Variants in DLG2 observed in about 807,000 individuals in gnomAD.
The protein encoded by DLG2 is discs large MAGUK scaffold protein 2.
In DLG2, 45 loss-of-function variants were observed where a neutral mutation model predicts 132.5. That is an observed-to-expected ratio of 0.34 (90% CI 0.27 to 0.44). DLG2 has a LOEUF of 0.44. Among genes scored for constraint, DLG2 ranks in the 20% least tolerant of loss-of-function variants. The probability of loss-of-function intolerance (pLI) is 1.00; values close to 1 mark genes in which losing one functional copy is unlikely to be tolerated. For missense variants in DLG2, 1,045 were observed against 1,196.9 expected (o/e 0.87, Z 1.87); for synonymous variants, 424 against 419.6 (o/e 1.01, Z -0.13).
Position 84,124,417 on chromosome 11 carries a change from G to T in DLG2, c.625-25370C>A, listed in dbSNP as rs139538974. Among the ~76,000 whole-genome samples, 233 of 152,248 alleles carry T rather than the reference G, an allele frequency of 1.5e-3. 1 individual carries two copies. The highest frequency in any genetic ancestry group is 2.8e-3 in the Non-Finnish European group (191 of 68,016). ...TGATTCTAAAGAACCTCATTCTCAC[G>T]CTTCTATCATATCAGTTGCTACATA... On this transcript the variant is annotated intron_variant, in intron 9 of 27. Transcript: ENST00000376104.
At chr11:83,572,415 G>A (rs2096812181) in intron 19 of DLG2, among the ~76,000 whole-genome samples, 1 of 152,092 alleles carries the variant, frequency 6.6e-6, no homozygotes, top group Admixed American at 6.6e-5. Flanking sequence ...AGGAAGGTTG[G>A]AAATTGACAG....
At chr11:84,579,377 T>A (rs1484878775) in intron 6 of DLG2, among the ~76,000 whole-genome samples, 1 of 152,182 alleles carries the variant, frequency 6.6e-6, no homozygotes, top group African/African-American at 2.4e-5. Context: ...TATGGTTTCC[T>A]GTGAGAAGCA....
chr11:83,723,746 C>G (rs1399947915), intron 18 of DLG2, among the ~76,000 whole-genome samples: 2 of 151,988 alleles, frequency 1.3e-5, no homozygotes, highest in Non-Finnish European at 2.9e-5. Context: ...GTCTCAGCTA[C>G]TCAGGAGGCT....
chr11:84,498,944 A>T (rs1022105382), intron 7 of DLG2, among the ~76,000 whole-genome samples: 6 of 152,168 alleles, frequency 3.9e-5, no homozygotes, highest in African/African-American at 1.4e-4. Context: ...TGTCCAATAC[A>T]CTGAAGGATG....
intron 6 of DLG2, among the ~76,000 whole-genome samples, chr11:85,103,718 A>G (rs1175456265): frequency 6.6e-6 from 1 of 151,956 alleles, no homozygotes; most frequent in East Asian, 1.9e-4. Flanking sequence ...AAAAAAGATA[A>G]ATTAGACTTT....
intron 3 of DLG2, among the ~76,000 whole-genome samples, chr11:85,436,464 A>G (rs1273377025): frequency 1.3e-5 from 2 of 152,182 alleles, no homozygotes; most frequent in Non-Finnish European, 2.9e-5. Context: ...AATTTACAAG[A>G]AAAAAACAAA....
intron 6 of DLG2, among the ~76,000 whole-genome samples, chr11:85,107,421 T>G (rs886586625): frequency 6.6e-6 from 1 of 152,060 alleles, no homozygotes; most frequent in African/African-American, 2.4e-5. Context: ...TCAAAATGAT[T>G]AAATCCATGC....
intron 6 of DLG2, among the ~76,000 whole-genome samples, chr11:85,049,356 T>C (rs530332586): frequency 1.3e-5 from 2 of 152,222 alleles, no homozygotes; most frequent in South Asian, 4.1e-4. Context: ...GGTAAAGATC[T>C]ATCTGCTGTG....
chr11:83,800,527 A>G (rs1328390154), intron 17 of DLG2, among the ~76,000 whole-genome samples: 1 of 152,224 alleles, frequency 6.6e-6, no homozygotes, highest in Non-Finnish European at 1.5e-5. Flanking sequence ...CTGACAGTAT[A>G]TGCATTACAG....
At chr11:84,575,283 AAT>A (rs1309092873) in intron 6 of DLG2, among the ~76,000 whole-genome samples, 1 of 151,932 alleles carries the variant, frequency 6.6e-6, no homozygotes, top group Non-Finnish European at 1.5e-5. Flanking sequence ...CCATTTTCCT[AAT>A]ATTAAATTAC....
At chr11:83,981,972 T>C (rs962904121) in intron 11 of DLG2, among the ~76,000 whole-genome samples, 3 of 152,168 alleles carry the variant, frequency 2.0e-5, no homozygotes, top group African/African-American at 7.2e-5. Context: ...GCCCAAAAGA[T>C]TATAATGGAG....
intron 18 of DLG2, among the ~76,000 whole-genome samples, chr11:83,758,782 T>G (rs574391698): frequency 6.6e-6 from 1 of 152,314 alleles, no homozygotes; most frequent in Admixed American, 6.5e-5. Flanking sequence ...AGGCTGATCA[T>G]TCTTGTTTTG....
intron 10 of DLG2, among the ~76,000 whole-genome samples, chr11:84,073,854 C>A (rs2096789414): frequency 6.6e-6 from 1 of 152,070 alleles, no homozygotes; most frequent in African/African-American, 2.4e-5. Context: ...TGTCATAAGC[C>A]CCCCACCCAA....
chr11:85,014,898 C>A (rs1172262784), intron 6 of DLG2, among the ~76,000 whole-genome samples: 2 of 152,190 alleles, frequency 1.3e-5, no homozygotes, highest in East Asian at 3.9e-4. Flanking sequence ...GGCCTCACTA[C>A]TGCCGAGTTA....
chr11:84,530,538 T>C (rs550170922), intron 7 of DLG2, among the ~76,000 whole-genome samples: 97 of 152,284 alleles, frequency 6.4e-4, no homozygotes, highest in African/African-American at 2.3e-3. Context: ...TCAACATCAC[T>C]AATCATTTGA....
At chr11:85,625,232 G>A (rs930268625) in intron 2 of DLG2, 4 of 151,964 alleles carry the variant, frequency 2.6e-5, no homozygotes, top group South Asian at 2.1e-4. Flanking sequence ...TTCAAAATAA[G>A]GTAATCCAAA....
Position 83,586,376 on chromosome 11 carries a change from C to G in DLG2, c.1941-44518G>C, listed in dbSNP as rs142069631. On this transcript the variant is annotated intron_variant, in intron 19 of 27. Coordinates refer to ENST00000376104, the MANE Select transcript of DLG2 (RefSeq NM_001142699.3). The stretch of plus-strand genomic sequence containing the variant: ...GCACAGACAGATGTGGGATAAATTC[C>G]TGGTTTTGCCACTTACCAGCTAGGT... Among the ~76,000 whole-genome samples, 93 of 152,272 alleles carry G rather than the reference C, an allele frequency of 6.1e-4. 2 individuals carry two copies. In the East Asian group the frequency reaches 0.016, roughly 26 times the overall value.
At chr11:83,626,884 A>ATG (rs2153447216) in intron 19 of DLG2, among the ~76,000 whole-genome samples, 1 of 152,278 alleles carries the variant, frequency 6.6e-6, no homozygotes, top group East Asian at 1.9e-4. Flanking sequence ...TTCTGGAGCC[A>ATG]TGGAATGCTG....
chr11:84,308,045 A>T (rs1337000570), intron 7 of DLG2, among the ~76,000 whole-genome samples: 2 of 152,184 alleles, frequency 1.3e-5, no homozygotes, highest in African/African-American at 2.4e-5. Flanking sequence ...AAAGAGCGAA[A>T]GAACAAAGCC....
Sources: allele counts gnomAD v4.1 joint callset (sites outside exome capture counted in the v4.1 genomes callset), GRCh38; gene constraint gnomAD v4.1.1; transcripts MANE v1.5; gene names NCBI Gene and HGNC (gene_info 2026-07-23, HGNC 2026-07-21).